NBAS: variants seen among roughly 807,000 people sequenced by gnomAD.
The protein encoded by NBAS is NBAS subunit of NRZ tethering complex.
NBAS carries 219 observed loss-of-function variants against 302.5 expected under a neutral mutation model. The observed-to-expected ratio is 0.72, with a 90% CI of 0.65 to 0.81. The LOEUF (loss-of-function observed/expected upper bound fraction) is 0.81, where lower values mean the gene tolerates loss of function less well. NBAS is among the 30% of genes least tolerant of loss of function. The probability of loss-of-function intolerance (pLI) is 0.00; values close to 1 mark genes in which losing one functional copy is unlikely to be tolerated. For synonymous variants in NBAS, 1,118 were observed against 1,021.6 expected (o/e 1.09, Z -1.80); for missense variants, 2,932 against 2,841.6 (o/e 1.03, Z -0.72).
At chr2:15,425,162 C>CG (rs1553310440) in intron 22 of NBAS, among the ~76,000 whole-genome samples, 2 of 149,092 alleles carry the variant, frequency 1.3e-5, no homozygotes, top group African/African-American at 2.5e-5. Flanking sequence ...TGTTTAAGGA[C>CG]AAAAAAAAAA....
chr2:14,909,335 A>G, the NBAS span, among the ~76,000 whole-genome samples: 38 of 145,204 alleles, frequency 2.6e-4, no homozygotes, highest in Middle Eastern at 3.5e-3. Context: ...AAAAAAAAAA[A>G]AGAGAACCGC....
At chr2:14,786,237 A>G in the NBAS span, among the ~76,000 whole-genome samples, 359 of 151,780 alleles carry the variant, frequency 2.4e-3, no homozygotes, top group African/African-American at 7.8e-3. Context: ...TCTTGCTAGC[A>G]GTCTATCAAT....
chr2:14,827,239 G>A, the NBAS span, among the ~76,000 whole-genome samples: 2 of 152,212 alleles, frequency 1.3e-5, no homozygotes, highest in African/African-American at 4.8e-5. Flanking sequence ...CTCACATTGT[G>A]AGTGGTGATT....
intron 40 of NBAS, among the ~76,000 whole-genome samples, chr2:15,298,756 A>G (rs1670662384): frequency 6.6e-6 from 1 of 152,190 alleles, no homozygotes; most frequent in African/African-American, 2.4e-5. Flanking sequence ...TTCACTGCAC[A>G]AGTACACAAC....
chr2:15,006,358 G>T, the NBAS span, among the ~76,000 whole-genome samples: 1 of 152,158 alleles, frequency 6.6e-6, no homozygotes, highest in African/African-American at 2.4e-5. Flanking sequence ...AATTTTTTAT[G>T]AGAGTGAAAA....
chr2:14,959,914 T>TA, the NBAS span, among the ~76,000 whole-genome samples: 1 of 152,186 alleles, frequency 6.6e-6, no homozygotes, highest in Non-Finnish European at 1.5e-5. Context: ...TTCCTTTAGG[T>TA]AAAAAAATGT....
At chr2:14,824,828 A>C in the NBAS span, among the ~76,000 whole-genome samples, 1 of 152,080 alleles carries the variant, frequency 6.6e-6, no homozygotes, top group African/African-American at 2.4e-5. Context: ...TAGAACTCCT[A>C]GAAGGAGATG....
chr2:14,821,795 A>G, the NBAS span, among the ~76,000 whole-genome samples: 1 of 151,962 alleles, frequency 6.6e-6, no homozygotes, highest in Non-Finnish European at 1.5e-5. Context: ...GGTGGGTCAC[A>G]AGGTCAGGAG....
chr2:15,351,925 G>T, intron 35 of NBAS, 67 bp downstream of exon 35: 1 of 1,166,888 alleles, frequency 8.6e-7, no homozygotes, highest in Non-Finnish European at 1.3e-6. Flanking sequence ...CATCCACAAG[G>T]TTAGGTAATC....
chr2:15,305,970 TA>T (rs1205884327), intron 40 of NBAS, among the ~76,000 whole-genome samples: 1 of 152,152 alleles, frequency 6.6e-6, no homozygotes, highest in African/African-American at 2.4e-5. Flanking sequence ...AACTGACCTT[TA>T]GGGGGAAAAA....
the NBAS span, among the ~76,000 whole-genome samples, chr2:15,017,247 G>T: frequency 2.4e-4 from 36 of 151,908 alleles, no homozygotes; most frequent in African/African-American, 8.2e-4. Context: ...GTCAGGACAT[G>T]GATCTGGAAA....
the NBAS span, among the ~76,000 whole-genome samples, chr2:15,096,401 T>C: frequency 1.3e-5 from 2 of 152,196 alleles, no homozygotes; most frequent in Admixed American, 6.5e-5. Flanking sequence ...AATGCCATCA[T>C]TACTGACCCT....
intron 35 of NBAS, among the ~76,000 whole-genome samples, chr2:15,345,718 A>G (rs921097807): frequency 6.6e-6 from 1 of 152,308 alleles, no homozygotes; most frequent in Non-Finnish European, 1.5e-5. Flanking sequence ...AGCAAAAAGA[A>G]TCAAGCTAGA....
chr2:15,437,864 T>A (rs1024326583), intron 21 of NBAS, among the ~76,000 whole-genome samples: 3 of 152,168 alleles, frequency 2.0e-5, no homozygotes, highest in African/African-American at 7.2e-5. Context: ...AAAGTGCCAC[T>A]GGTATTCAAA....
the NBAS span, among the ~76,000 whole-genome samples, chr2:14,846,323 C>T: frequency 6.6e-6 from 1 of 151,556 alleles, no homozygotes; most frequent in Admixed American, 6.6e-5. Context: ...AATAATATAT[C>T]CAGTGAAAAT....
chr2:14,991,732 A>G, the NBAS span, among the ~76,000 whole-genome samples: 1 of 152,190 alleles, frequency 6.6e-6, no homozygotes, highest in Admixed American at 6.5e-5. Context: ...TCTTGGTAGA[A>G]TCTTGGGCCT....
At chr2:15,315,187 G>T (rs1192236140) in intron 38 of NBAS, among the ~76,000 whole-genome samples, 2 of 152,124 alleles carry the variant, frequency 1.3e-5, no homozygotes, top group Non-Finnish European at 2.9e-5. Flanking sequence ...AATAGTTAAA[G>T]ATATGCAGTG....
intron 38 of NBAS, among the ~76,000 whole-genome samples, chr2:15,311,165 A>G (rs946152724): frequency 6.6e-6 from 1 of 152,234 alleles, no homozygotes; most frequent in Non-Finnish European, 1.5e-5. Flanking sequence ...AATCAAAGAC[A>G]TTAATATATC....
intron 11 of NBAS, among the ~76,000 whole-genome samples, chr2:15,499,624 TG>T (rs1458793214): frequency 6.6e-6 from 1 of 151,232 alleles, no homozygotes; most frequent in African/African-American, 2.4e-5. Flanking sequence ...AGGTGGAGGG[TG>T]GGAGGAGGGA....
Sources: allele counts gnomAD v4.1 joint callset (sites outside exome capture counted in the v4.1 genomes callset), GRCh38; gene constraint gnomAD v4.1.1; transcripts MANE v1.5; gene names NCBI Gene and HGNC (gene_info 2026-07-23, HGNC 2026-07-21).